The following NBPF8 variants were observed in gnomAD, a reference collection of about 807,000 sequenced individuals.
NBPF8 encodes NBPF family member NBPF8.
intron 8 of NBPF8, among the ~76,000 whole-genome samples, chr1:120,446,282 G>A (rs1438699466): frequency 6.2e-5 from 4 of 64,424 alleles, no homozygotes; most frequent in Admixed American, 5.3e-4. Flanking sequence ...GCAAGAGGCA[G>A]CATCTATCTA....
chr1:120,428,251 G>T (rs1451885098), intron 3 of NBPF8, among the ~76,000 whole-genome samples: 6 of 152,196 alleles, frequency 3.9e-5, no homozygotes, highest in Admixed American at 3.3e-4. Context: ...CAACCCAAGA[G>T]TGTCTTATCT....
chr1:120,464,462 T>G (rs2101701186), exon 23 of NBPF8: 1 of 870,438 alleles, frequency 1.1e-6, no homozygotes, highest in South Asian at 1.3e-5. Flanking sequence ...TCCAGTTGTC[T>G]TGAACAGCCT....
At chr1:120,430,975 G>T (rs1225983224) in intron 3 of NBPF8, among the ~76,000 whole-genome samples, 2 of 151,202 alleles carry the variant, frequency 1.3e-5, no homozygotes, top group Non-Finnish European at 2.9e-5. Flanking sequence ...CGGCATTTTG[G>T]TAGAAATTTA....
chr1:120,428,194 C>T (rs1488972302), intron 3 of NBPF8, among the ~76,000 whole-genome samples: 1 of 152,066 alleles, frequency 6.6e-6, no homozygotes, highest in Non-Finnish European at 1.5e-5. Flanking sequence ...AAACAGGTGG[C>T]CATGAAACAG....
upstream of NBPF8, among the ~76,000 whole-genome samples, chr1:120,431,590 A>G (rs2101572566): frequency 6.6e-6 from 1 of 151,684 alleles, no homozygotes; most frequent in Admixed American, 6.6e-5. Flanking sequence ...ATACCACTAC[A>G]TATCCATAAG....
intron 11 of NBPF8, among the ~76,000 whole-genome samples, chr1:120,450,228 T>A (rs1374618911): frequency 2.6e-5 from 4 of 151,738 alleles, no homozygotes; most frequent in African/African-American, 7.3e-5. Flanking sequence ...CTGTTAAAAA[T>A]AATAATAATA....
At chr1:120,455,950 G>A (rs1661424059) in intron 16 of NBPF8, among the ~76,000 whole-genome samples, 1 of 152,124 alleles carries the variant, frequency 6.6e-6, no homozygotes, top group East Asian at 1.9e-4. Context: ...ATGTGTCCCA[G>A]AGATTCTGGT....
chr1:120,449,060 C>T, intron 10 of NBPF8, 133 bp from the exon 9 acceptor site: 1 of 616,968 alleles, frequency 1.6e-6, no homozygotes, highest in Non-Finnish European at 2.8e-6. Flanking sequence ...CTGGAGATGA[C>T]AAGAGTGAAA....
intron 11 of NBPF8, among the ~76,000 whole-genome samples, chr1:120,449,917 T>C (rs1556606514): frequency 6.6e-6 from 1 of 152,052 alleles, no homozygotes. Context: ...GTGCTGTCTA[T>C]AAGTGACAGC....
chr1:120,468,685 C>T (rs1187921249), downstream of NBPF8, among the ~76,000 whole-genome samples: 5 of 147,618 alleles, frequency 3.4e-5, no homozygotes, highest in Admixed American at 3.4e-4. Flanking sequence ...ACCTCTGGTC[C>T]TCTGCACGGT....
exon 18 of NBPF8, chr1:120,460,592 G>T: frequency 6.9e-7 from 1 of 1,451,964 alleles, no homozygotes; most frequent in South Asian, 1.1e-5. Context: ...GGGATCAAGT[G>T]AAAAAGGAGG....
intron 19 of NBPF8, 147 bp downstream of exon 17, chr1:120,461,573 G>A: frequency 2.1e-6 from 1 of 479,470 alleles, no homozygotes; most frequent in Non-Finnish European, 3.7e-6. Flanking sequence ...TGAAACTCTA[G>A]TTCCACTTGG....
chr1:120,428,890 A>T (rs1660792784), intron 3 of NBPF8, among the ~76,000 whole-genome samples: 1 of 151,104 alleles, frequency 6.6e-6, no homozygotes. Context: ...CAATATCTTG[A>T]CTCCTGGTTG....
chr1:120,467,962 G>C (rs1432676169), downstream of NBPF8, among the ~76,000 whole-genome samples: 3 of 149,828 alleles, frequency 2.0e-5, no homozygotes, highest in Non-Finnish European at 4.4e-5. Flanking sequence ...GTGTGTGTGT[G>C]CGTGTGTGTG....
chr1:120,445,883 G>A, exon 8 of NBPF8: 1 of 487,294 alleles, frequency 2.1e-6, no homozygotes, highest in Non-Finnish European at 3.5e-6. Context: ...AGTTAAAGGA[G>A]AAGTTACAGG....
At chr1:120,465,438 C>T in intron 24 of NBPF8, 67 bp downstream of exon 22, 1 of 512,710 alleles carries the variant, frequency 2.0e-6, no homozygotes, top group Non-Finnish European at 3.6e-6. Context: ...TTCAGGGAAA[C>T]CAGAGTGTGT....
chr1:120,463,115 G>T, intron 21 of NBPF8, 149 bp downstream of exon 19: 1 of 700,422 alleles, frequency 1.4e-6, no homozygotes, highest in Non-Finnish European at 2.6e-6. Flanking sequence ...TGAGACTGTA[G>T]TCTCAGCTGG....
intron 11 of NBPF8, among the ~76,000 whole-genome samples, chr1:120,450,380 C>T (rs1227711650): frequency 1.3e-5 from 2 of 151,792 alleles, no homozygotes; most frequent in Non-Finnish European, 2.9e-5. Context: ...GTGCAGTGTA[C>T]AGAGCAGGGA....
intron 16 of NBPF8, among the ~76,000 whole-genome samples, chr1:120,457,126 TTGG>T (rs1259094710): frequency 0.021 from 3,129 of 146,058 alleles, no homozygotes; most frequent in African/African-American, 0.059. Flanking sequence ...TTTTACACTG[TTGG>T]TGGGACTGTA....
Sources: gnomAD v4.1 joint callset for allele counts (sites outside exome capture counted in the v4.1 genomes callset) on GRCh38, gnomAD v4.1.1 for gene constraint, MANE v1.5 for transcripts, NCBI Gene and HGNC (gene_info 2026-07-23, HGNC 2026-07-21) for gene names.